Variants in APBB1IP observed in about 807,000 individuals in gnomAD.
APBB1IP encodes amyloid beta precursor protein binding family B member 1 interacting protein.
APBB1IP carries 27 observed loss-of-function variants against 64.9 expected under a neutral mutation model. That is an observed-to-expected ratio of 0.42 (90% CI 0.31 to 0.57). The LOEUF (loss-of-function observed/expected upper bound fraction) is 0.57. Ranked by LOEUF, APBB1IP falls within the 20% of genes least tolerant of loss-of-function variation. APBB1IP has a pLI of 0.20. For synonymous variants in APBB1IP, 392 were observed against 331.0 expected (o/e 1.18, Z -2.00); for missense variants, 812 against 845.5 (o/e 0.96, Z 0.49).
At chr10:26,477,204 G>GGTGA (rs1835786419) in intron 2 of APBB1IP, among the ~76,000 whole-genome samples, 1 of 152,176 alleles carries the variant, frequency 6.6e-6, no homozygotes, top group Non-Finnish European at 1.5e-5. Context: ...GTATTACAGA[G>GGTGA]GTGAGGCTGT....
At chr10:26,471,347 A>G (rs147505157) in intron 2 of APBB1IP, among the ~76,000 whole-genome samples, 6 of 152,234 alleles carry the variant, frequency 3.9e-5, no homozygotes, top group Non-Finnish European at 8.8e-5. Context: ...AATCTTAACT[A>G]TTACTTTTTG....
At chr10:26,507,924 G>C (rs1166935056) in intron 6 of APBB1IP, among the ~76,000 whole-genome samples, 1 of 151,802 alleles carries the variant, frequency 6.6e-6, no homozygotes, top group African/African-American at 2.4e-5. Context: ...GTGTTGCCAT[G>C]ATTTAGTTTA....
chr10:26,457,056 T>C (rs1835535142), intron 2 of APBB1IP, among the ~76,000 whole-genome samples: 1 of 152,110 alleles, frequency 6.6e-6, no homozygotes, highest in South Asian at 2.1e-4. Context: ...GGCTGGTTTT[T>C]TGGGTGTTTG....
chr10:26,498,384 C>T (rs1292780423), intron 4 of APBB1IP, among the ~76,000 whole-genome samples: 1 of 152,182 alleles, frequency 6.6e-6, no homozygotes, highest in East Asian at 1.9e-4. Flanking sequence ...TGGCGGGCAC[C>T]TGTAATCTCA....
intron 5 of APBB1IP, 79 bp downstream of exon 5, chr10:26,501,190 A>C (rs1310536661): frequency 1.3e-6 from 2 of 1,575,864 alleles, no homozygotes; most frequent in African/African-American, 2.7e-5. Context: ...TGATCATTAC[A>C]TTCCTAAGTT....
At chr10:26,439,250 C>A (rs1448708553) in intron 2 of APBB1IP, among the ~76,000 whole-genome samples, 1 of 152,118 alleles carries the variant, frequency 6.6e-6, no homozygotes, top group Non-Finnish European at 1.5e-5. Context: ...CTCCCGGAAC[C>A]TGGAGGGATT....
intron 2 of APBB1IP, among the ~76,000 whole-genome samples, chr10:26,471,404 C>G (rs537027213): frequency 6.6e-6 from 1 of 152,270 alleles, no homozygotes; most frequent in African/African-American, 2.4e-5. Flanking sequence ...GGTAAAGACT[C>G]AGTTCCTTTC....
chr10:26,446,797 C>T (rs1384041762), intron 2 of APBB1IP, among the ~76,000 whole-genome samples: 1 of 151,980 alleles, frequency 6.6e-6, no homozygotes, highest in African/African-American at 2.4e-5. Flanking sequence ...CTGCTTGAGG[C>T]TGCAGTGAAC....
intron 2 of APBB1IP, among the ~76,000 whole-genome samples, chr10:26,477,536 T>C (rs2484425): frequency 0.06 from 9,160 of 152,248 alleles, 906 homozygotes; most frequent in African/African-American, 0.21. Context: ...CCACCCACCA[T>C]GGTGGTTGTA....
At chr10:26,516,250 A>G (rs1020567259) in intron 8 of APBB1IP, among the ~76,000 whole-genome samples, 26 of 152,070 alleles carry the variant, frequency 1.7e-4, no homozygotes, top group African/African-American at 6.0e-4. Flanking sequence ...GATGAATTTG[A>G]GGGCTTCAAT....
intron 2 of APBB1IP, among the ~76,000 whole-genome samples, chr10:26,475,247 C>T (rs1835762393): frequency 6.6e-6 from 1 of 151,980 alleles, no homozygotes; most frequent in South Asian, 2.1e-4. Context: ...TTCAGCCTCC[C>T]AAGCATCTGG....
At chr10:26,516,701 G>A (rs1221510479) in intron 8 of APBB1IP, among the ~76,000 whole-genome samples, 1 of 152,072 alleles carries the variant, frequency 6.6e-6, no homozygotes, top group Non-Finnish European at 1.5e-5. Flanking sequence ...CAGAAGATAA[G>A]ATGAACATAG....
intron 2 of APBB1IP, among the ~76,000 whole-genome samples, chr10:26,464,101 ATCCATACTGGAC>A (rs1835623313): frequency 6.6e-6 from 1 of 152,008 alleles, no homozygotes; most frequent in African/African-American, 2.4e-5. Context: ...CCTCCTCTAG[ATCCATACTGGAC>A]TCCACATTTT....
intron 2 of APBB1IP, among the ~76,000 whole-genome samples, chr10:26,472,569 TTTCATTCATTCATTCA>T (rs57015999): frequency 6.7e-6 from 1 of 149,536 alleles, no homozygotes; most frequent in African/African-American, 2.5e-5. Flanking sequence ...ATCGTGTTTG[TTTCATTCATTCATTCA>T]TTCATTCATT....
chr10:26,532,609 G>A (rs1836568451), intron 8 of APBB1IP, among the ~76,000 whole-genome samples: 1 of 152,096 alleles, frequency 6.6e-6, no homozygotes, highest in East Asian at 1.9e-4. Context: ...AGCCTCTCAA[G>A]TAGATGAGAC....
chr10:26,535,466 T>C (rs1176366111), intron 9 of APBB1IP, among the ~76,000 whole-genome samples: 1 of 152,206 alleles, frequency 6.6e-6, no homozygotes, highest in East Asian at 1.9e-4. Flanking sequence ...ACAATCCAAT[T>C]ACACTCTTTT....
At chr10:26,511,409 A>G (rs1336683632) in intron 6 of APBB1IP, among the ~76,000 whole-genome samples, 3 of 152,366 alleles carry the variant, frequency 2.0e-5, no homozygotes, top group African/African-American at 4.8e-5. Context: ...GGGCTCCAGG[A>G]TGGAATGAGA....
chr10:26,562,190 G>T (rs534016003), intron 13 of APBB1IP, 136 bp from the exon 14 acceptor site: 14 of 665,378 alleles, frequency 2.1e-5, no homozygotes, highest in Non-Finnish European at 3.4e-5. Flanking sequence ...TTTTATTTTT[G>T]TTTTTTTTGT....
chr10:26,456,738 A>AT (rs1835530634), intron 2 of APBB1IP, among the ~76,000 whole-genome samples: 2 of 2,752 alleles, frequency 7.3e-4, no homozygotes, highest in African/African-American at 1.3e-3. Context: ...GAACCTGTCT[A>AT]AAAAAAAAAA....
Sources: gnomAD v4.1 joint callset for allele counts (sites outside exome capture counted in the v4.1 genomes callset) on GRCh38, gnomAD v4.1.1 for gene constraint, MANE v1.5 for transcripts, NCBI Gene and HGNC (gene_info 2026-07-23, HGNC 2026-07-21) for gene names.